The following ABLIM2 variants were observed in gnomAD, a reference collection of about 807,000 sequenced individuals.
ABLIM2 encodes the protein actin-binding LIM protein 2.
ABLIM2 carries 53 observed loss-of-function variants against 97.7 expected under a neutral mutation model. The ratio of observed to expected loss-of-function variants is 0.54; its 90% CI spans 0.44 to 0.68. ABLIM2 has a LOEUF of 0.68. Ranked by LOEUF, ABLIM2 falls within the 30% of genes least tolerant of loss-of-function variation. The probability of loss-of-function intolerance (pLI) is 0.00; values close to 1 mark genes in which losing one functional copy is unlikely to be tolerated. For missense variants in ABLIM2, 835 were observed against 867.2 expected (o/e 0.96, Z 0.47); for synonymous variants, 361 against 345.8 (o/e 1.04, Z -0.49).
intron 3 of ABLIM2, among the ~76,000 whole-genome samples, chr4:8,091,409 AATTATATATTATAT>A (rs1238884952): frequency 1.7e-5 from 1 of 57,996 alleles, no homozygotes; most frequent in Non-Finnish European, 3.1e-5. Flanking sequence ...TGTAATATAT[AATTATATATTATAT>A]ATTATATATA....
rs199520003 is a variant in ABLIM2 at position 8,088,171 on chromosome 4, C to A, written c.452G>T (p.Arg151Leu). 1.3e-5 allele frequency: 20 copies of A among 1,572,784 alleles called. No homozygotes were observed. The South Asian group carries it at 2.1e-4, about 17-fold the overall frequency. Residue 151 changes from arginine to leucine, a missense_variant and splice_region_variant, in exon 4 of 21, where the codon CGA becomes CTA. Coordinates refer to ENST00000447017, the MANE Select transcript of ABLIM2 (RefSeq NM_001130083.2). ...GCCCCCACTCAGCGCCCACTTACTTCGGAGGCCCTGGGACAGGTGCGCGCT... is the reference window on the plus strand; with the variant it reads ...GCCCCCACTCAGCGCCCACTTACTTAGGAGGCCCTGGGACAGGTGCGCGCT... ...GSSAHLSQGL[R>L]SCGGCGTEIK...
rs780423693 is a variant in ABLIM2 at position 7,983,541 on chromosome 4, G to C, written c.1743+6C>G. ...CGGAGGTCAGTGTGGGAGCGGCCCCGCTTACCTTGTATTCTGTAAGAGAGA... is the reference window on the plus strand; with the variant it reads ...CGGAGGTCAGTGTGGGAGCGGCCCCCCTTACCTTGTATTCTGTAAGAGAGA... On this transcript the variant is annotated splice_donor_region_variant and intron_variant, in intron 19 of 20. Coordinates refer to ENST00000447017, the MANE Select transcript of ABLIM2 (RefSeq NM_001130083.2). 6.2e-7 allele frequency: 1 copy of C among 1,613,110 alleles called. No homozygotes were observed. Among genetic ancestry groups the C allele is most frequent in the Non-Finnish European group, 8.5e-7 (1 of 1,179,670 alleles).
At chr4:8,045,097 C>T (rs1471320303) in intron 9 of ABLIM2, 67 bp downstream of exon 9, 33 of 1,457,864 alleles carry the variant, frequency 2.3e-5, no homozygotes, top group Admixed American at 5.0e-5. Context: ...GGCTTAGCCA[C>T]GGCCACCGGG....
At chr4:7,978,953 G>A (rs1282219097) in intron 20 of ABLIM2, among the ~76,000 whole-genome samples, 8 of 152,220 alleles carry the variant, frequency 5.3e-5, no homozygotes, top group South Asian at 2.1e-4. Context: ...AGTGTGAGGC[G>A]GGCCGTACTG....
chr4:8,008,925 C>A, intron 15 of ABLIM2, 125 bp downstream of exon 15: 1 of 1,149,538 alleles, frequency 8.7e-7, no homozygotes, highest in Admixed American at 2.0e-5. Context: ...TACCTTTGGC[C>A]TCGCAGGGCC....
chr4:8,064,689 C>T (rs1038498614), intron 6 of ABLIM2, among the ~76,000 whole-genome samples: 4 of 152,168 alleles, frequency 2.6e-5, no homozygotes, highest in African/African-American at 9.7e-5. Context: ...AAGTCGGACA[C>T]AAGAGAACAG....
chr4:8,150,146 G>A lies in ABLIM2; in HGVS notation c.10+8534C>T, dbSNP rs954470994. On this transcript the variant is annotated intron_variant, in intron 1 of 20. Coordinates refer to ENST00000447017, the MANE Select transcript of ABLIM2 (RefSeq NM_001130083.2). This position sits in a 1 kb window ranked among gnomAD's most constrained non-coding sequence, Gnocchi z 6.3. ...AACTAGGCTGCCAGGTTGAAGGTCT[G>A]GATGCTCCTTGGAATTCTTCCTTCT... Among the ~76,000 whole-genome samples the A allele has an allele frequency of 1.3e-5, 2 of 152,214 alleles. No homozygotes were observed. Among genetic ancestry groups the A allele is most frequent in the Non-Finnish European group, 2.9e-5 (2 of 68,034 alleles).
chr4:8,051,271 G>C (rs556191553), intron 8 of ABLIM2, among the ~76,000 whole-genome samples: 4 of 152,192 alleles, frequency 2.6e-5, no homozygotes, highest in Non-Finnish European at 5.9e-5. Context: ...TTTAGGGGCC[G>C]GGCGTGGTAG....
chr4:7,976,928 C>T (rs1317612600), intron 20 of ABLIM2, among the ~76,000 whole-genome samples: 7 of 151,830 alleles, frequency 4.6e-5, no homozygotes, highest in Non-Finnish European at 1.0e-4. Flanking sequence ...TACACACATA[C>T]ACACATATCC....
intron 1 of ABLIM2, among the ~76,000 whole-genome samples, chr4:8,117,196 T>G (rs1042037317): frequency 6.6e-6 from 1 of 152,196 alleles, no homozygotes; most frequent in African/African-American, 2.4e-5. Flanking sequence ...TTTTGCCCAT[T>G]TGGCAGAGTT....
chr4:8,037,925 C>A (rs1321875482), intron 9 of ABLIM2, among the ~76,000 whole-genome samples: 1 of 152,202 alleles, frequency 6.6e-6, no homozygotes, highest in African/African-American at 2.4e-5. Flanking sequence ...CTGATTCTGC[C>A]CAGCCTTCCT....
rs921762752 is a variant in ABLIM2 at position 8,140,498 on chromosome 4, G to T, written c.10+18182C>A. On this transcript the variant is annotated intron_variant, in intron 1 of 20. Coordinates refer to ENST00000447017, the MANE Select transcript of ABLIM2 (RefSeq NM_001130083.2). This position sits in a 1 kb window ranked among gnomAD's most constrained non-coding sequence, Gnocchi z 5.9. ...AACCTGGCGGGGAGCATGGGGGAAA[G>T]GGGGCAGTGACACGGGGGCCTTGCC... 6.6e-6 allele frequency among the ~76,000 whole-genome samples: 1 copy of T among 152,154 alleles called. No individual in the cohort carries two copies. Among genetic ancestry groups the T allele is most frequent in the Non-Finnish European group, 1.5e-5 (1 of 68,026 alleles).
intron 17 of ABLIM2, among the ~76,000 whole-genome samples, chr4:7,988,842 T>C (rs775900231): frequency 1.1e-4 from 17 of 152,226 alleles, no homozygotes; most frequent in Non-Finnish European, 1.9e-4. Flanking sequence ...GACTGTCTGA[T>C]GCTAACACAT....
chr4:7,989,880 C>T (rs950210019), intron 17 of ABLIM2, among the ~76,000 whole-genome samples: 7 of 152,198 alleles, frequency 4.6e-5, no homozygotes, highest in African/African-American at 1.7e-4. Flanking sequence ...TCATTACTGC[C>T]TTACCCACAG....
At chr4:8,060,924 G>C (rs1802582964) in intron 7 of ABLIM2, 43 bp downstream of exon 7, 2 of 1,505,784 alleles carry the variant, frequency 1.3e-6, no homozygotes, top group African/African-American at 2.8e-5. Context: ...GAAGAGGGTA[G>C]TTCCTTGCTC....
rs1299278225 is a variant in ABLIM2 at position 7,999,814 on chromosome 4, G to A, written c.1619-6887C>T. On this transcript the variant is annotated intron_variant, in intron 16 of 20. Coordinates refer to ENST00000447017, the MANE Select transcript of ABLIM2 (RefSeq NM_001130083.2). This position sits in a 1 kb window ranked among gnomAD's most constrained non-coding sequence, Gnocchi z 4.4. ...GCTCAGCCAAACCAGGCTCCTGGCCGCCTCCCCTCCATGAAGCCTGCCATA... is the reference window on the plus strand; with the variant it reads ...GCTCAGCCAAACCAGGCTCCTGGCCACCTCCCCTCCATGAAGCCTGCCATA... Among the ~76,000 whole-genome samples the A allele has an allele frequency of 2.0e-5, 3 of 152,162 alleles. No individual in the cohort carries two copies. Among genetic ancestry groups the A allele is most frequent in the Non-Finnish European group, 2.9e-5 (2 of 68,026 alleles).
intron 1 of ABLIM2, among the ~76,000 whole-genome samples, chr4:8,136,155 G>A (rs749772149): frequency 1.3e-5 from 2 of 152,230 alleles, no homozygotes; most frequent in Non-Finnish European, 2.9e-5. Flanking sequence ...AGAGGCTACA[G>A]CATGGATGGC....
Position 8,044,691 on chromosome 4 carries a change from C to CTCT in ABLIM2, c.900+472_900+473insAGA, listed in dbSNP as rs1791094339. ...AGAGTCTCTCTCTCTCTCTCTCTCT[C>CTCT]GAACGAACGAAAACGGGATCACATA... On this transcript the variant is annotated intron_variant, in intron 9 of 20. Transcript: ENST00000447017. This position sits in a 1 kb window ranked among gnomAD's most constrained non-coding sequence, Gnocchi z 4.4. 1.4e-5 allele frequency among the ~76,000 whole-genome samples: 1 copy of CTCT among 73,712 alleles called. No individual in the cohort carries two copies. Among genetic ancestry groups the CTCT allele is most frequent in the African/African-American group, 5.4e-5 (1 of 18,476 alleles). 48.4% of individuals were successfully genotyped at this position (73,712 alleles called of 152,430 possible).
In ABLIM2 at chr4:8,000,210, G is replaced by A. The variant is rs576098678; in HGVS notation, c.1619-7283C>T. Among the ~76,000 whole-genome samples the A allele has an allele frequency of 2.6e-5, 4 of 152,262 alleles. No individual in the cohort carries two copies. The East Asian group carries it at 7.7e-4, about 29-fold the overall frequency. On this transcript the variant is annotated intron_variant, in intron 16 of 20. Transcript: ENST00000447017. ...AGAGGCCCCTTGGCTGGTCTGAGCT[G>A]CAGACTTCAGAAGCAAGTGAGATGG...
Sources: allele counts gnomAD v4.1 joint callset (sites outside exome capture counted in the v4.1 genomes callset), GRCh38; gene constraint gnomAD v4.1.1; non-coding constraint Gnocchi (gnomAD v3.1); transcripts MANE v1.5; gene names NCBI Gene and HGNC (gene_info 2026-07-23, HGNC 2026-07-21).